CACNB2: variants seen among roughly 807,000 people sequenced by gnomAD.
CACNB2 encodes voltage-dependent L-type calcium channel subunit beta-2.
CACNB2 carries 42 observed loss-of-function variants against 73.3 expected under a neutral mutation model. That is an observed-to-expected ratio of 0.57 (90% CI 0.45 to 0.74). The LOEUF is 0.74. Ranked by LOEUF, CACNB2 falls within the 30% of genes least tolerant of loss-of-function variation. The pLI is 0.00. For missense variants in CACNB2, 940 were observed against 853.0 expected, an observed-to-expected ratio of 1.10 and a Z score of -1.27; for synonymous variants, 348 against 310.3, an observed-to-expected ratio of 1.12 and a Z score of -1.28.
chr10:18,462,655 T>C (rs147721244), intron 3 of CACNB2, among the ~76,000 whole-genome samples: 1,534 of 152,354 alleles, frequency 0.01, 39 homozygotes, highest in African/African-American at 0.035. Flanking sequence ...TATTCTCTTT[T>C]GCTTTCAGTA....
intron 2 of CACNB2, among the ~76,000 whole-genome samples, chr10:18,333,232 T>G (rs2040872521): frequency 6.6e-6 from 1 of 152,194 alleles, no homozygotes; most frequent in South Asian, 2.1e-4. Flanking sequence ...AAGGCTCATT[T>G]ATTTGAGTGG....
At chr10:18,445,899 T>C (rs2046709960) in intron 3 of CACNB2, among the ~76,000 whole-genome samples, 1 of 152,138 alleles carries the variant, frequency 6.6e-6, no homozygotes, top group Non-Finnish European at 1.5e-5. Context: ...CTGGGCGTGG[T>C]GGCACATGCC....
At chr10:18,229,298 G>C (rs952344488) in intron 2 of CACNB2, among the ~76,000 whole-genome samples, 1 of 152,110 alleles carries the variant, frequency 6.6e-6, no homozygotes, top group African/African-American at 2.4e-5. Flanking sequence ...TATAAAACAA[G>C]AATCGTTATT....
intron 2 of CACNB2, among the ~76,000 whole-genome samples, chr10:18,228,433 CAA>C (rs1164745930): frequency 1.4e-4 from 5 of 34,806 alleles, no homozygotes; most frequent in South Asian, 1.7e-3. Flanking sequence ...AACTCTACCT[CAA>C]AAAAAAAAAA....
chr10:18,201,361 G>A (rs58465484), intron 2 of CACNB2, among the ~76,000 whole-genome samples: 5,544 of 149,152 alleles, frequency 0.037, 332 homozygotes, highest in African/African-American at 0.13. Flanking sequence ...TGCAACCTCC[G>A]TCTCCTGGGC....
At chr10:18,160,255 T>A (rs2032359968) in intron 2 of CACNB2, among the ~76,000 whole-genome samples, 1 of 152,208 alleles carries the variant, frequency 6.6e-6, no homozygotes, top group Admixed American at 6.5e-5. Context: ...CTTTATAAAC[T>A]AGGCTTGATT....
chr10:18,200,168 A>C (rs1476568728), intron 2 of CACNB2, among the ~76,000 whole-genome samples: 1 of 152,162 alleles, frequency 6.6e-6, no homozygotes. Flanking sequence ...AAAATACTAA[A>C]TACGTGACAA....
intron 3 of CACNB2, among the ~76,000 whole-genome samples, chr10:18,412,145 G>A (rs2044667183): frequency 6.6e-6 from 1 of 152,120 alleles, no homozygotes; most frequent in African/African-American, 2.4e-5. Flanking sequence ...TCCCAGGGCT[G>A]CTTCATGAGA....
chr10:18,407,109 CTTTTTTTTTT>C (rs71507267), intron 3 of CACNB2, among the ~76,000 whole-genome samples: 11 of 35,614 alleles, frequency 3.1e-4, no homozygotes, highest in Middle Eastern at 0.019. Context: ...GCTGTTCTGT[CTTTTTTTTTT>C]TTTTTTTTTT....
chr10:18,171,551 GC>G (rs2033243627), intron 2 of CACNB2, among the ~76,000 whole-genome samples: 1 of 55,784 alleles, frequency 1.8e-5, no homozygotes, highest in Non-Finnish European at 3.9e-5. Flanking sequence ...AAAAAAAAAG[GC>G]TATTTGTTCT....
intron 2 of CACNB2, among the ~76,000 whole-genome samples, chr10:18,216,863 A>G (rs1378907679): frequency 6.6e-6 from 1 of 152,228 alleles, no homozygotes; most frequent in African/African-American, 2.4e-5. Flanking sequence ...TGCCCAGGTC[A>G]TAGGACCAAT....
At chr10:18,337,872 TACAC>T (rs991758965) in intron 2 of CACNB2, among the ~76,000 whole-genome samples, 1 of 152,204 alleles carries the variant, frequency 6.6e-6, no homozygotes, top group African/African-American at 2.4e-5. Flanking sequence ...TTGATATTCA[TACAC>T]ACAGTGAAAT....
intron 2 of CACNB2, among the ~76,000 whole-genome samples, chr10:18,283,629 T>C (rs960135471): frequency 7.4e-6 from 1 of 134,370 alleles, no homozygotes; most frequent in African/African-American, 2.8e-5. Context: ...ATGAGAACAC[T>C]TGGACACGGG....
At chr10:18,384,486 G>A (rs2043142834) in intron 2 of CACNB2, among the ~76,000 whole-genome samples, 1 of 152,066 alleles carries the variant, frequency 6.6e-6, no homozygotes, top group Admixed American at 6.6e-5. Flanking sequence ...AGCAGTTTGG[G>A]AAGCCAATGG....
chr10:18,393,822 T>C (rs1355008491), intron 2 of CACNB2, among the ~76,000 whole-genome samples: 1 of 152,216 alleles, frequency 6.6e-6, no homozygotes, highest in Admixed American at 6.5e-5. Context: ...GCTGAGATAC[T>C]CTGAAGTGAG....
At chr10:18,536,697 TCCAAACGATGATCATAG>T (rs1047554898) in intron 12 of CACNB2, among the ~76,000 whole-genome samples, 3 of 152,174 alleles carry the variant, frequency 2.0e-5, no homozygotes, top group African/African-American at 4.8e-5. Flanking sequence ...GCACAAGTAA[TCCAAACGATGATCATAG>T]CTTACCAAAA....
At chr10:18,168,047 A>G (rs1461216658) in intron 2 of CACNB2, among the ~76,000 whole-genome samples, 1 of 151,378 alleles carries the variant, frequency 6.6e-6, no homozygotes, top group Admixed American at 6.6e-5. Flanking sequence ...AATCATGCAG[A>G]CATTCTATAT....
rs1048235153 is a variant in CACNB2, at chr10:18,310,298, A to T, written c.214-91626A>T. On this transcript the variant is annotated intron_variant, in intron 2 of 13. Transcript: ENST00000324631. ...ACTGTGTTGATAAACTAAGGAAAGC[A>T]TACAATTTAAAAAAGTGATTTTTTA... is the stretch of plus-strand genomic sequence containing the variant. Among the ~76,000 whole-genome samples, 74 of 152,176 alleles carry T rather than the reference A, an allele frequency of 4.9e-4. 2 individuals are homozygous for T.
chr10:18,450,350 A>T (rs1370091244), intron 3 of CACNB2, among the ~76,000 whole-genome samples: 1 of 152,126 alleles, frequency 6.6e-6, no homozygotes, highest in Non-Finnish European at 1.5e-5. Context: ...TTTCCTTGCT[A>T]AATATCTTGT....
Sources: allele counts gnomAD v4.1 joint callset (sites outside exome capture counted in the v4.1 genomes callset), GRCh38; gene constraint gnomAD v4.1.1; transcripts MANE v1.5; gene names NCBI Gene and HGNC (gene_info 2026-07-23, HGNC 2026-07-21).